BRDT: variants seen among roughly 807,000 people sequenced by gnomAD.
The protein encoded by BRDT is bromodomain testis associated.
Under a neutral mutation model 113.9 loss-of-function variants are expected in BRDT, and 77 were observed. The ratio of observed to expected loss-of-function variants is 0.68; its 90% confidence interval spans 0.56 to 0.82. The LOEUF (loss-of-function observed/expected upper bound fraction) is 0.82. Ranked by LOEUF, BRDT falls within the 40% of genes least tolerant of loss-of-function variation. The probability of loss-of-function intolerance (pLI) is 0.00; values close to 1 mark genes in which losing one functional copy is unlikely to be tolerated. For missense variants in BRDT, 1,027 were observed against 1,105.4 expected, an observed-to-expected ratio of 0.93 and a Z score of 1.01; for synonymous variants, 358 against 366.5, an observed-to-expected ratio of 0.98 and a Z score of 0.26.
Position 91,954,314 on chromosome 1 carries a change from C to CT in BRDT, c.-38+4633dup, listed in dbSNP as rs1330203120. On this transcript the variant is annotated intron_variant, in intron 1 of 18. Coordinates refer to ENST00000399546, the MANE Select transcript of BRDT (RefSeq NM_207189.4). Reference sequence around the variant, plus strand: ...TTTTTTTTTGAGGCAAGTTCTCACTCTGTCACCTAGGCTGGAGTGCATTGG... The same window carrying CT: ...TTTTTTTTTGAGGCAAGTTCTCACTCTTGTCACCTAGGCTGGAGTGCATTGG... Among the ~76,000 whole-genome samples the CT allele has an allele frequency of 3.1e-5, 4 of 127,618 alleles. No homozygotes were observed. In the East Asian group the frequency reaches 9.6e-4, roughly 31 times the overall value. The allele number at this position is 127,618 out of a possible 152,430, so 83.7% of individuals were successfully genotyped here.
rs28627949 is a variant in BRDT at position 91,959,803 on chromosome 1, A to G, written c.-37-2915A>G. On this transcript the variant is annotated intron_variant, in intron 1 of 18. Transcript: ENST00000399546. ...CAGCCTATGACTTTTATTAAGTGCTATATTTCCATATATGTGTAACATGAA... is the reference window on the plus strand; with the variant it reads ...CAGCCTATGACTTTTATTAAGTGCTGTATTTCCATATATGTGTAACATGAA... Among the ~76,000 whole-genome samples the G allele has an allele frequency of 9.7e-3, 1,482 of 152,232 alleles. 29 individuals are homozygous for G. The highest frequency in any genetic ancestry group is 0.034 in the African/African-American group (1,422 of 41,554).
At position 91,953,477 on chromosome 1, in the gene BRDT, C is replaced by A. The variant is rs371054131; in HGVS notation, c.-38+3795C>A. 9.5e-4 allele frequency among the ~76,000 whole-genome samples: 144 copies of A among 151,992 alleles called. 1 individual carries two copies. The South Asian group carries it at 0.03, about 31-fold the overall frequency. ...GGAGGATTGCTTGAGCCCAGGAGTT[C>A]AAGACCAGCCCGGCCAATATGGTGA... On this transcript the variant is annotated intron_variant, in intron 1 of 18. Transcript: ENST00000399546.
At chr1:91,976,490 TTTCC>T (rs1684153856) in intron 5 of BRDT, 52 bp downstream of exon 5, 1 of 1,442,218 alleles carries the variant, frequency 6.9e-7, no homozygotes, top group Admixed American at 2.7e-5. Context: ...GGATTTTTTT[TTTCC>T]ATTTATAGGA....
intron 4 of BRDT, among the ~76,000 whole-genome samples, chr1:91,975,815 A>G (rs1283900971): frequency 1.3e-5 from 2 of 152,208 alleles, no homozygotes; most frequent in Non-Finnish European, 2.9e-5. Flanking sequence ...GAATTTTCTG[A>G]AGAAGGTATT....
chr1:91,980,557 C>G (rs542549183), intron 8 of BRDT, 86 bp from the exon 9 acceptor site: 3 of 1,171,874 alleles, frequency 2.6e-6, no homozygotes, highest in South Asian at 2.6e-5. Context: ...AAAAGACATT[C>G]TTGACTTTGG....
intron 6 of BRDT, among the ~76,000 whole-genome samples, chr1:91,977,859 A>G (rs1395799652): frequency 6.6e-6 from 1 of 152,004 alleles, no homozygotes; most frequent in Admixed American, 6.6e-5. Context: ...GACAGAGGGA[A>G]ACTCTGTCTC....
chr1:91,960,499 G>T (rs1314352906), intron 1 of BRDT, among the ~76,000 whole-genome samples: 1 of 152,190 alleles, frequency 6.6e-6, no homozygotes, highest in Non-Finnish European at 1.5e-5. Flanking sequence ...TCAAATTCAT[G>T]GCAACAGAAA....
intron 15 of BRDT, among the ~76,000 whole-genome samples, chr1:91,997,694 A>T (rs1686471944): frequency 6.6e-6 from 1 of 152,250 alleles, no homozygotes; most frequent in African/African-American, 2.4e-5. Context: ...TGTTTATATG[A>T]TGCCTATTAG....
At chr1:92,010,000 T>TA (rs1207073837) in intron 18 of BRDT, among the ~76,000 whole-genome samples, 1 of 152,190 alleles carries the variant, frequency 6.6e-6, no homozygotes, top group Admixed American at 6.5e-5. Flanking sequence ...AGAAATCCAG[T>TA]ACTATTATCT....
At chr1:91,983,727 C>T (rs61779156) in intron 12 of BRDT, among the ~76,000 whole-genome samples, 14,390 of 146,212 alleles carry the variant, frequency 0.098, 1,096 homozygotes, top group East Asian at 0.44. Flanking sequence ...CTCACTCTGT[C>T]GCCCAGGCTG....
At chr1:91,961,349 G>T (rs975019213) in intron 1 of BRDT, among the ~76,000 whole-genome samples, 4 of 151,632 alleles carry the variant, frequency 2.6e-5, no homozygotes, top group African/African-American at 9.7e-5. Flanking sequence ...AATCACTTTG[G>T]CTGGGCATAG....
At chr1:91,968,024 TA>T in intron 3 of BRDT, 121 bp from the exon 4 acceptor site, 1 of 893,176 alleles carries the variant, frequency 1.1e-6, no homozygotes, top group Non-Finnish European at 1.6e-6. Context: ...TCTAAATTTA[TA>T]AGAGATGAAT....
chr1:91,994,499 TTCCCAGA>T (rs5776131), intron 15 of BRDT, among the ~76,000 whole-genome samples: 10,030 of 152,184 alleles, frequency 0.066, 344 homozygotes, highest in Non-Finnish European at 0.087. Flanking sequence ...CCAATTTACT[TTCCCAGA>T]TCTGAGCAGA....
At position 92,005,319 on chromosome 1, in the gene BRDT, C is replaced by T. The variant is rs1687204245; in HGVS notation, c.2775+20C>T. On this transcript the variant is annotated intron_variant, in intron 18 of 18. Transcript: ENST00000399546. ...GAAGCAGTAAGTGAATTTTAGTTTA[C>T]TAAATCTAATTTAACAAGGGAAAGA... The T allele has an allele frequency of 6.7e-7, 1 of 1,500,204 alleles. No individual in the cohort carries two copies. Among genetic ancestry groups the T allele is most frequent in the Non-Finnish European group, 8.9e-7 (1 of 1,129,196 alleles). The allele number at this position is 1,500,204 out of a possible 1,614,324, so 92.9% of individuals were successfully genotyped here.
intron 1 of BRDT, among the ~76,000 whole-genome samples, chr1:91,955,283 C>G (rs1408411254): frequency 6.6e-6 from 1 of 151,986 alleles, no homozygotes; most frequent in Non-Finnish European, 1.5e-5. Flanking sequence ...GAAATCCCAT[C>G]TCTACTAAAA....
At chr1:92,010,211 A>G (rs889685078) in intron 18 of BRDT, among the ~76,000 whole-genome samples, 2 of 150,472 alleles carry the variant, frequency 1.3e-5, no homozygotes, top group Non-Finnish European at 2.9e-5. Context: ...GAGGACTCCA[A>G]TTATTTATGT....
chr1:91,963,885 T>C (rs1050412762), intron 2 of BRDT, among the ~76,000 whole-genome samples: 25 of 151,968 alleles, frequency 1.6e-4, no homozygotes, highest in African/African-American at 6.0e-4. Flanking sequence ...ATGGCCTTTT[T>C]TTTTTTGAGA....
At chr1:92,005,013 A>C in intron 17 of BRDT, 106 bp from the exon 18 acceptor site, 2 of 853,792 alleles carry the variant, frequency 2.3e-6, no homozygotes, top group Non-Finnish European at 3.3e-6. Flanking sequence ...TATAACATGA[A>C]CATGGTTGTC....
intron 16 of BRDT, among the ~76,000 whole-genome samples, chr1:92,003,597 G>A (rs1346398032): frequency 1.3e-5 from 2 of 152,254 alleles, no homozygotes; most frequent in East Asian, 3.9e-4. Context: ...GGAAGACTTA[G>A]ATGTGTTTGG....
Sources: gnomAD v4.1 joint callset for allele counts (sites outside exome capture counted in the v4.1 genomes callset) on GRCh38, gnomAD v4.1.1 for gene constraint, MANE v1.5 for transcripts, NCBI Gene and HGNC (gene_info 2026-07-23, HGNC 2026-07-21) for gene names.